RSL1D1: variants seen among roughly 807,000 people sequenced by gnomAD.
RSL1D1 encodes the protein ribosomal L1 domain containing 1.
Under a neutral mutation model 44.6 loss-of-function variants are expected in RSL1D1, and 34 were observed. That is an observed-to-expected ratio of 0.76 (90% confidence interval 0.58 to 1.02). The LOEUF (loss-of-function observed/expected upper bound fraction) is 1.02. Among genes scored for constraint, RSL1D1 ranks in the 50% least tolerant of loss-of-function variants. RSL1D1 has a pLI of 0.00. For missense variants in RSL1D1, 767 were observed against 568.1 expected (o/e 1.35, Z -3.56); for synonymous variants, 271 against 207.4 (o/e 1.31, Z -2.63).
In RSL1D1 at chr16:11,839,836, T is replaced by G. The variant is rs1446794477; in HGVS notation, c.1005A>C (p.Ser335=). 1 of 1,614,090 alleles carries G rather than the reference T, an allele frequency of 6.2e-7. No individual in the cohort carries two copies. The highest frequency in any genetic ancestry group is 2.2e-5 in the East Asian group (1 of 44,896). Residue 335 remains serine, a synonymous_variant, in exon 8 of 9, where the codon TCA becomes TCC. Transcript: ENST00000571133. ...CATGCTCTGGGGTCTGTTCCTTCTT[T>G]GATTCAGGTTTCTTCACTGTAGTAT... ...SGDTTVKKPE[S]KKEQTPEHGK...
At chr16:11,851,278 C>A (rs1395441263) in intron 1 of RSL1D1, 130 bp downstream of exon 1, 2 of 857,952 alleles carry the variant, frequency 2.3e-6, no homozygotes, top group Non-Finnish European at 3.9e-6. Flanking sequence ...AGCTGAGGCA[C>A]ACGGCCCGCC....
intron 2 of RSL1D1, 118 bp from the exon 3 acceptor site, chr16:11,847,924 T>G (rs2141255121): frequency 9.5e-7 from 1 of 1,054,994 alleles, no homozygotes; most frequent in Admixed American, 2.4e-5. Flanking sequence ...GTCATGCTAG[T>G]TAAGCAAATA....
chr16:11,840,503 G>A (rs2053757652), intron 7 of RSL1D1, among the ~76,000 whole-genome samples: 1 of 152,128 alleles, frequency 6.6e-6, no homozygotes, highest in African/African-American at 2.4e-5. Context: ...GAAGGCGGGG[G>A]GTTGTAGTGA....
In RSL1D1 at chr16:11,839,676, G is replaced by C. The variant is rs2053749908; in HGVS notation, c.1146+19C>G. 6.2e-7 allele frequency: 1 copy of C among 1,612,606 alleles called. No homozygotes were observed. Among genetic ancestry groups the C allele is most frequent in the African/African-American group, 1.3e-5 (1 of 74,720 alleles). On this transcript the variant is annotated intron_variant, in intron 8 of 8. Coordinates refer to ENST00000571133, the MANE Select transcript of RSL1D1 (RefSeq NM_015659.3). ...CCACTGAACCAATCCATTATGAACAGTAAATATTAAAACAATACCTCTACT... is the reference window on the plus strand; with the variant it reads ...CCACTGAACCAATCCATTATGAACACTAAATATTAAAACAATACCTCTACT...
chr16:11,846,272 G>A (rs2053797202), intron 5 of RSL1D1, among the ~76,000 whole-genome samples: 2 of 151,228 alleles, frequency 1.3e-5, no homozygotes, highest in South Asian at 4.2e-4. Context: ...GCAGGCGCCT[G>A]TAGTCCCAGC....
chr16:11,839,396 A>G (rs1014012359), intron 8 of RSL1D1, among the ~76,000 whole-genome samples: 75 of 148,540 alleles, frequency 5.0e-4, no homozygotes, highest in Non-Finnish European at 8.0e-4. Context: ...AAAAAAAAAA[A>G]AGCCAACCGG....
Position 11,837,244 on chromosome 16 carries a change from GAAC to G in RSL1D1, c.*540_*542del, listed in dbSNP as rs1164359661. 2 of 152,784 alleles carry G rather than the reference GAAC, an allele frequency of 1.3e-5. No homozygotes were observed. Among genetic ancestry groups the G allele is most frequent in the Admixed American group, 6.6e-5 (1 of 15,250 alleles). The allele number at this position is 152,784 out of a possible 1,614,324, so 9.5% of individuals were successfully genotyped here. On this transcript the variant is annotated 3_prime_UTR_variant, in exon 9 of 9. Transcript: ENST00000571133. ...TCTCACCTTGGCTACCTAAAGTGCTGAACAACCACAGAGAAGCACTCTATTTTT... is the reference window on the plus strand; with the variant it reads ...TCTCACCTTGGCTACCTAAAGTGCTGAACCACAGAGAAGCACTCTATTTTT...
chr16:11,850,630 G>A (rs1035994084), intron 1 of RSL1D1, among the ~76,000 whole-genome samples: 7 of 152,044 alleles, frequency 4.6e-5, no homozygotes, highest in Admixed American at 1.3e-4. Context: ...CATCAAACAT[G>A]CCTAAGTACC....
chr16:11,849,486 A>C (rs2053821687), intron 2 of RSL1D1: 1 of 152,172 alleles, frequency 6.6e-6, no homozygotes, highest in Admixed American at 6.6e-5. Flanking sequence ...ATCTTACAGA[A>C]AATAAAATAC....
In RSL1D1 at chr16:11,837,944, A is replaced by C; in HGVS notation, c.1316T>G (p.Val439Gly). The change falls in exon 9 of 9, where the codon GTG becomes GGG. Residue 439 changes from valine to glycine, a missense_variant. By Grantham distance (109) the Val-to-Gly change is moderately radical (BLOSUM62 -3). Transcript: ENST00000571133. ...EKKPKIKEEA[V>G]KEKSPSLGKK... The stretch of plus-strand genomic sequence containing the variant: ...CCCCAGCGAAGGACTTTTTTCCTTC[A>C]CTGCCTCTTCTTTGATTTTTGGCTT... 4 of 1,613,822 alleles carry C rather than the reference A, an allele frequency of 2.5e-6. No homozygotes were observed. Among genetic ancestry groups the C allele is most frequent in the Non-Finnish European group, 3.4e-6 (4 of 1,179,980 alleles).
At chr16:11,843,280 A>G (rs1055382401) in intron 5 of RSL1D1, among the ~76,000 whole-genome samples, 1 of 151,656 alleles carries the variant, frequency 6.6e-6, no homozygotes, top group African/African-American at 2.4e-5. Context: ...TGTGTTGGCC[A>G]GACTGGTCTC....
Position 11,847,698 on chromosome 16 carries a change from T to C in RSL1D1, c.354A>G (p.Leu118=). 1.2e-6 allele frequency: 2 copies of C among 1,612,670 alleles called. No homozygotes were observed. The highest frequency in any genetic ancestry group is 1.7e-6 in the Non-Finnish European group (2 of 1,179,412). ...AAACGGTTTTAATTCCATGCTTGTT[T>C]AAAAGCTTTCTATAAAACTGTTCTG... ...EKTEQFYRKL[L]NKHGIKTVSQ... is the part of the protein sequence containing the mutation. The change falls in exon 3 of 9, where the codon TTA becomes TTG. Residue 118 remains leucine (L), a synonymous_variant. Transcript: ENST00000571133.
In RSL1D1 at chr16:11,839,806, C is replaced by G; in HGVS notation, c.1035G>C (p.Lys345Asn). The G allele has an allele frequency of 6.2e-7, 1 of 1,614,166 alleles. No individual in the cohort carries two copies. Among genetic ancestry groups the G allele is most frequent in the Non-Finnish European group, 8.5e-7 (1 of 1,180,024 alleles). ...GGGCTTTTCCTCTGCCACGTTTTTT[C>G]TTCCCATGCTCTGGGGTCTGTTCCT... is the stretch of plus-strand genomic sequence containing the variant. ...SKKEQTPEHG[K>N]KKRGRGKAQV... is the part of the protein sequence containing the mutation. Residue 345 changes from lysine to asparagine, a missense_variant, in exon 8 of 9, where the codon AAG becomes AAC. Lys to Asn is a moderately conservative substitution (Grantham distance 94). Coordinates refer to ENST00000571133, the MANE Select transcript of RSL1D1 (RefSeq NM_015659.3).
At chr16:11,844,808 A>T (rs1237886174) in intron 5 of RSL1D1, among the ~76,000 whole-genome samples, 2 of 152,208 alleles carry the variant, frequency 1.3e-5, no homozygotes, top group Non-Finnish European at 2.9e-5. Context: ...CAAGTGCAGT[A>T]CTTCATAAAA....
intron 2 of RSL1D1, 86 bp from the exon 3 acceptor site, chr16:11,847,892 A>C (rs2053810797): frequency 7.4e-7 from 1 of 1,348,106 alleles, no homozygotes; most frequent in Admixed American, 2.1e-5. Context: ...CGATAAACTT[A>C]GTGTTATTTA....
chr16:11,834,279 C>T lies in RSL1D1; in HGVS notation c.*3508G>A, dbSNP rs192860738. The T allele has an allele frequency of 6.6e-6, 1 of 152,108 alleles. No homozygotes were observed. The highest frequency in any genetic ancestry group is 1.5e-5 in the Non-Finnish European group (1 of 68,022). 9.4% of individuals were successfully genotyped at this position (152,108 alleles called of 1,614,324 possible). A position where few individuals can be genotyped will look rare whatever the true frequency, so the allele number is the denominator to read the frequency against. Reference sequence around the variant, plus strand: ...TAATCAGTACAAACCATATACATACCACCATTTTTCAGTACAGTACTCATT... The same window carrying T: ...TAATCAGTACAAACCATATACATACTACCATTTTTCAGTACAGTACTCATT... On this transcript the variant is annotated 3_prime_UTR_variant, in exon 9 of 9. Transcript: ENST00000571133.
In RSL1D1 at chr16:11,847,768, A is replaced by T; in HGVS notation, c.284T>A (p.Ile95Asn). Residue 95 changes from isoleucine to asparagine, a missense_variant, in exon 3 of 9, where the codon ATC becomes AAC. Coordinates refer to ENST00000571133, the MANE Select transcript of RSL1D1 (RefSeq NM_015659.3). ...GGGTTCATCCTTCGTAAATAAACAG[A>T]TATCTTCTGAATCTGATCGAATACT... ...PHSIRSDSEDICLFTKDEPNS... is the reference protein window; with the variant it reads ...PHSIRSDSEDNCLFTKDEPNS... The T allele has an allele frequency of 6.2e-7, 1 of 1,613,530 alleles. No individual in the cohort carries two copies. Among genetic ancestry groups the T allele is most frequent in the Non-Finnish European group, 8.5e-7 (1 of 1,179,602 alleles).
rs781117638 is a variant in RSL1D1, at chr16:11,847,676, C to T, written c.376G>A (p.Val126Ile). Residue 126 changes from valine to isoleucine, a missense_variant, in exon 3 of 9, where the codon GTT (valine) becomes ATT (isoleucine). Val to Ile is a conservative substitution (Grantham distance 29, BLOSUM62 3). Coordinates refer to ENST00000571133, the MANE Select transcript of RSL1D1 (RefSeq NM_015659.3). ...TTAACCAGGCTTCCTACCTGAGAAACGGTTTTAATTCCATGCTTGTTTAAA... is the reference window on the plus strand; with the variant it reads ...TTAACCAGGCTTCCTACCTGAGAAATGGTTTTAATTCCATGCTTGTTTAAA... ...KLLNKHGIKTVSQIISLQTLK... is the reference protein window; with the variant it reads ...KLLNKHGIKTISQIISLQTLK... The T allele has an allele frequency of 3.7e-6, 6 of 1,606,126 alleles. No individual in the cohort carries two copies. The highest frequency in any genetic ancestry group is 3.4e-5 in the South Asian group (3 of 89,536).
rs1290527067 is a variant in RSL1D1 at position 11,841,896 on chromosome 16, T to C, written c.729+11A>G. 1.9e-6 allele frequency: 3 copies of C among 1,612,870 alleles called. No individual in the cohort carries two copies. Among genetic ancestry groups the C allele is most frequent in the African/African-American group, 1.3e-5 (1 of 75,010 alleles). ...AATGAACAATCAATTGATGCACCTG[T>C]AATACTGTACCTCTGGCAATTTTTC... is the stretch of plus-strand genomic sequence containing the variant. On this transcript the variant is annotated intron_variant, in intron 6 of 8. Transcript: ENST00000571133.
Sources: allele counts gnomAD v4.1 joint callset (sites outside exome capture counted in the v4.1 genomes callset), GRCh38; gene constraint gnomAD v4.1.1; transcripts MANE v1.5; gene names NCBI Gene and HGNC (gene_info 2026-07-23, HGNC 2026-07-21).